The following NRG3 variants were observed in gnomAD, a reference collection of about 807,000 sequenced individuals.
The protein encoded by NRG3 is neuregulin 3.
Under a neutral mutation model 66.9 loss-of-function variants are expected in NRG3, and 31 were observed. The ratio of observed to expected loss-of-function variants is 0.46; its 90% CI spans 0.35 to 0.63. The LOEUF is 0.63. Ranked by LOEUF, NRG3 falls within the 20% of genes least tolerant of loss-of-function variation. The pLI is 0.00. For missense variants in NRG3, 910 were observed against 878.9 expected (o/e 1.04, Z -0.45); for synonymous variants, 393 against 359.4 (o/e 1.09, Z -1.06).
At chr10:81,922,128 ATAGT>A (rs1202905963) in intron 1 of NRG3, among the ~76,000 whole-genome samples, 4 of 152,146 alleles carry the variant, frequency 2.6e-5, no homozygotes, top group Admixed American at 6.5e-5. Flanking sequence ...CAATGTTGAA[ATAGT>A]TAACGACTTT....
intron 2 of NRG3, among the ~76,000 whole-genome samples, chr10:82,661,697 T>C (rs2052375978): frequency 6.6e-6 from 1 of 152,168 alleles, no homozygotes; most frequent in Non-Finnish European, 1.5e-5. Context: ...GCTAAGACCA[T>C]GTGTGTGGCG....
chr10:82,112,879 A>T (rs2067471998), intron 1 of NRG3, among the ~76,000 whole-genome samples: 11 of 152,232 alleles, frequency 7.2e-5, no homozygotes, highest in Admixed American at 6.5e-4. Flanking sequence ...GACAAGCTGT[A>T]ATGGCTATTC....
chr10:82,967,742 A>G (rs569448799), intron 6 of NRG3, among the ~76,000 whole-genome samples: 1 of 152,324 alleles, frequency 6.6e-6, no homozygotes, highest in South Asian at 2.1e-4. Context: ...CTCTGTGTGC[A>G]TTTCAAAATA....
rs568163200 is a variant in NRG3 at position 82,182,094 on chromosome 10, T to C, written c.824-176645T>C. 5.3e-5 allele frequency among the ~76,000 whole-genome samples: 8 copies of C among 150,812 alleles called. No homozygotes were observed. In the South Asian group the frequency reaches 1.0e-3, roughly 20 times the overall value. The stretch of plus-strand genomic sequence containing the variant: ...TGCTCTATTTTTTTTTCTTTTTGAA[T>C]GGAACATGTTTTTTTTTCCATACTT... On this transcript the variant is annotated intron_variant, in intron 1 of 8. Transcript: ENST00000372141.
intron 2 of NRG3, among the ~76,000 whole-genome samples, chr10:82,583,304 C>G (rs1014817000): frequency 6.6e-6 from 1 of 152,128 alleles, no homozygotes; most frequent in African/African-American, 2.4e-5. Flanking sequence ...AAAAATAATA[C>G]TGATTCAGTA....
intron 3 of NRG3, among the ~76,000 whole-genome samples, chr10:82,852,638 G>A (rs2063618129): frequency 6.6e-6 from 1 of 152,174 alleles, no homozygotes; most frequent in Admixed American, 6.5e-5. Context: ...GTAGACGGTA[G>A]TTTCAAGGAA....
intron 1 of NRG3, among the ~76,000 whole-genome samples, chr10:82,320,595 C>T (rs536754548): frequency 6.6e-6 from 1 of 152,128 alleles, no homozygotes. Context: ...TTTATTTGTC[C>T]TCTAAATTAG....
intron 4 of NRG3, among the ~76,000 whole-genome samples, chr10:82,890,127 G>GTTTTTTTTTTT: frequency 7.2e-6 from 1 of 138,150 alleles, no homozygotes; most frequent in Non-Finnish European, 1.6e-5. Flanking sequence ...GATCTGCTAA[G>GTTTTTTTTTTT]TTTTTTTTTT....
intron 2 of NRG3, among the ~76,000 whole-genome samples, chr10:82,551,877 AT>A (rs112240059): frequency 0.042 from 6,430 of 151,528 alleles, 275 homozygotes; most frequent in African/African-American, 0.11. Flanking sequence ...TTATCCAACT[AT>A]TTTTTTTCTA....
chr10:81,899,927 T>C (rs551766272), intron 1 of NRG3, among the ~76,000 whole-genome samples: 1 of 152,254 alleles, frequency 6.6e-6, no homozygotes, highest in South Asian at 2.1e-4. Context: ...ATCTGCTGTG[T>C]GTTTACATAT....
intron 1 of NRG3, among the ~76,000 whole-genome samples, chr10:82,074,095 G>A (rs146411729): frequency 1.1e-3 from 175 of 152,216 alleles, no homozygotes; most frequent in African/African-American, 4.1e-3. Flanking sequence ...AAACAGCAGG[G>A]TTTGGGAATG....
chr10:82,459,299 C>T (rs114483409), intron 2 of NRG3, among the ~76,000 whole-genome samples: 292 of 152,294 alleles, frequency 1.9e-3, no homozygotes, highest in African/African-American at 6.9e-3. Context: ...CTTCAGGTTT[C>T]TCTACAGAGT....
intron 1 of NRG3, among the ~76,000 whole-genome samples, chr10:82,019,198 TG>T (rs2061938525): frequency 6.6e-6 from 1 of 152,182 alleles, no homozygotes; most frequent in South Asian, 2.1e-4. Context: ...GATAATCATG[TG>T]GTTTTTGTCT....
At chr10:82,102,075 CATATATATATGTGTATTCATAT>C (rs1404857638) in intron 1 of NRG3, among the ~76,000 whole-genome samples, 11 of 113,298 alleles carry the variant, frequency 9.7e-5, no homozygotes, top group African/African-American at 3.9e-4. Flanking sequence ...TGTGTGTATA[CATATATATATGTGTATTCATAT>C]ATATATATGT....
At chr10:82,349,443 C>G (rs1304251478) in intron 1 of NRG3, among the ~76,000 whole-genome samples, 2 of 150,876 alleles carry the variant, frequency 1.3e-5, no homozygotes, top group African/African-American at 2.4e-5. Flanking sequence ...CAGCTGCGTA[C>G]TGGGAGAACC....
At chr10:81,883,390 A>T (rs916317133) in intron 1 of NRG3, among the ~76,000 whole-genome samples, 1 of 152,172 alleles carries the variant, frequency 6.6e-6, no homozygotes. Context: ...TGGTGATTGT[A>T]CATAAATCAT....
chr10:82,649,077 C>T (rs2051196242), intron 2 of NRG3, among the ~76,000 whole-genome samples: 1 of 152,118 alleles, frequency 6.6e-6, no homozygotes, highest in Non-Finnish European at 1.5e-5. Context: ...ACAGGGATGC[C>T]CTCTCTCACC....
At chr10:82,224,214 G>A (rs1472256618) in intron 1 of NRG3, 1 of 152,198 alleles carries the variant, frequency 6.6e-6, no homozygotes, top group African/African-American at 2.4e-5. Context: ...CTGGATTCTA[G>A]GAGGTGGCTA....
chr10:82,117,744 T>TA (rs1168908386), intron 1 of NRG3, among the ~76,000 whole-genome samples: 3 of 152,132 alleles, frequency 2.0e-5, no homozygotes, highest in African/African-American at 7.2e-5. Context: ...TACTGAACCT[T>TA]ACAGAGTTTT....
Sources: gnomAD v4.1 joint callset for allele counts (sites outside exome capture counted in the v4.1 genomes callset) on GRCh38, gnomAD v4.1.1 for gene constraint, MANE v1.5 for transcripts, NCBI Gene and HGNC (gene_info 2026-07-23, HGNC 2026-07-21) for gene names.